The following CTNNA2 variants were observed in gnomAD, a reference collection of about 807,000 sequenced individuals.
CTNNA2 encodes the protein catenin alpha-2.
Under a neutral mutation model 101.0 loss-of-function variants are expected in CTNNA2, and 42 were observed. The observed-to-expected ratio is 0.42, with a 90% CI of 0.32 to 0.54. The LOEUF is 0.54. Ranked by LOEUF, CTNNA2 falls within the 20% of genes least tolerant of loss-of-function variation. The pLI is 0.14. For synonymous variants in CTNNA2, 450 were observed against 456.4 expected, an observed-to-expected ratio of 0.99 and a Z score of 0.18; for missense variants, 871 against 1,223.1, an observed-to-expected ratio of 0.71 and a Z score of 4.29.
intron 4 of CTNNA2, among the ~76,000 whole-genome samples, chr2:79,489,882 G>A (rs1219441831): frequency 2.6e-5 from 4 of 152,152 alleles, no homozygotes; most frequent in Non-Finnish European, 5.9e-5. Context: ...AGGGCAAAAG[G>A]TAAGACCTCC....
chr2:79,470,220 C>G (rs1309365524), intron 4 of CTNNA2, among the ~76,000 whole-genome samples: 1 of 152,128 alleles, frequency 6.6e-6, no homozygotes, highest in South Asian at 2.1e-4. Flanking sequence ...TGATACAACA[C>G]CAAAAGCTTT....
intron 2 of CTNNA2, among the ~76,000 whole-genome samples, chr2:79,655,646 T>C (rs1254671314): frequency 2.6e-5 from 4 of 152,036 alleles, no homozygotes; most frequent in Non-Finnish European, 5.9e-5. Flanking sequence ...CTGGCGAACA[T>C]GGCAAAACCC....
rs555630368 is a variant in CTNNA2 at position 79,259,299 on chromosome 2, C to T, written c.-405-53410C>T. ...ACTTTACTTCTCCACCCCCTCCTAA[C>T]ACACACCTACTTCCTCAACTTCCAA... is the stretch of plus-strand genomic sequence containing the variant. On this transcript the variant is annotated intron_variant, in intron 2 of 21. Transcript: ENST00000466387. 5.5e-4 allele frequency among the ~76,000 whole-genome samples: 84 copies of T among 152,312 alleles called. 1 individual carries two copies. Among genetic ancestry groups the T allele is most frequent in the African/African-American group, 1.9e-3 (81 of 41,558 alleles).
chr2:79,439,230 T>TAA (rs1558666818), intron 4 of CTNNA2, among the ~76,000 whole-genome samples: 1 of 152,218 alleles, frequency 6.6e-6, no homozygotes, highest in Non-Finnish European at 1.5e-5. Context: ...CAGTATTTTT[T>TAA]AGGCATAAAA....
chr2:80,512,025 C>T (rs1036125419), intron 9 of CTNNA2, among the ~76,000 whole-genome samples: 4 of 151,738 alleles, frequency 2.6e-5, no homozygotes, highest in African/African-American at 4.8e-5. Flanking sequence ...TGGTGGGCAC[C>T]TGTAATCCCA....
chr2:80,317,365 G>A (rs1245231972), intron 7 of CTNNA2, among the ~76,000 whole-genome samples: 2 of 152,084 alleles, frequency 1.3e-5, no homozygotes, highest in Admixed American at 1.3e-4. Context: ...TCAAAATTCT[G>A]TGAGATCCTT....
intron 3 of CTNNA2, among the ~76,000 whole-genome samples, chr2:79,770,561 T>C (rs1673500623): frequency 6.6e-6 from 1 of 152,224 alleles, no homozygotes; most frequent in African/African-American, 2.4e-5. Flanking sequence ...TAAGCTATGT[T>C]TGATGTGCAC....
intron 17 of CTNNA2, among the ~76,000 whole-genome samples, chr2:80,617,809 T>C (rs1182088206): frequency 6.6e-6 from 1 of 151,838 alleles, no homozygotes; most frequent in African/African-American, 2.4e-5. Flanking sequence ...AGAATTATAT[T>C]GGCTTAAAAC....
intron 7 of CTNNA2, among the ~76,000 whole-genome samples, chr2:80,100,634 C>T (rs956585890): frequency 1.3e-5 from 2 of 152,188 alleles, no homozygotes; most frequent in African/African-American, 4.8e-5. Flanking sequence ...CTCTCTCCAA[C>T]AGGTAAGAGG....
chr2:80,589,854 G>A (rs115303236), intron 15 of CTNNA2, among the ~76,000 whole-genome samples: 2,483 of 144,500 alleles, frequency 0.017, 59 homozygotes, highest in African/African-American at 0.058. Context: ...GGAAAAATAT[G>A]TACCTCTGTG....
At chr2:80,539,022 A>T (rs1183611940) in intron 9 of CTNNA2, among the ~76,000 whole-genome samples, 1 of 151,966 alleles carries the variant, frequency 6.6e-6, no homozygotes, top group East Asian at 1.9e-4. Flanking sequence ...TGAGGGATGC[A>T]TATGTTTGTT....
chr2:79,490,794 A>G (rs1352065865), intron 4 of CTNNA2, among the ~76,000 whole-genome samples: 1 of 152,230 alleles, frequency 6.6e-6, no homozygotes, highest in Non-Finnish European at 1.5e-5. Flanking sequence ...GAGAAATGTT[A>G]TGATCCCTTA....
At chr2:79,376,539 G>A (rs1677977981) in intron 4 of CTNNA2, among the ~76,000 whole-genome samples, 1 of 151,714 alleles carries the variant, frequency 6.6e-6, no homozygotes, top group African/African-American at 2.4e-5. Context: ...CAACGTGCAG[G>A]TTTGTTACGT....
At chr2:79,372,886 A>G (rs1677903823) in intron 3 of CTNNA2, among the ~76,000 whole-genome samples, 1 of 152,062 alleles carries the variant, frequency 6.6e-6, no homozygotes, top group African/African-American at 2.4e-5. Flanking sequence ...AGTTGCTAAA[A>G]CTTTTTAAAC....
In CTNNA2 at chr2:79,192,853, A is replaced by G. The variant is rs140895382; in HGVS notation, c.-523-5106A>G. On this transcript the variant is annotated intron_variant, in intron 1 of 21. Transcript: ENST00000466387. ...TTTTCAAAAGAGTATTTAAAATATT[A>G]TATATATAAAAAGTGAAGAATGATA... Among the ~76,000 whole-genome samples the G allele has an allele frequency of 4.5e-3, 679 of 152,108 alleles. 4 individuals are homozygous for G. The highest frequency in any genetic ancestry group is 0.016 in the African/African-American group (657 of 41,558).
At chr2:79,268,721 G>T (rs2104295855) in intron 2 of CTNNA2, among the ~76,000 whole-genome samples, 1 of 152,232 alleles carries the variant, frequency 6.6e-6, no homozygotes, top group East Asian at 1.9e-4. Flanking sequence ...GCCTACTACA[G>T]AACTGATTGC....
chr2:80,171,865 G>T (rs992031898), intron 7 of CTNNA2, among the ~76,000 whole-genome samples: 2 of 152,170 alleles, frequency 1.3e-5, no homozygotes, highest in Non-Finnish European at 2.9e-5. Flanking sequence ...AGAAAAGTAA[G>T]GCTAGCAGGA....
intron 8 of CTNNA2, among the ~76,000 whole-genome samples, chr2:80,408,838 C>T (rs1482144796): frequency 1.3e-5 from 2 of 152,164 alleles, no homozygotes; most frequent in Non-Finnish European, 2.9e-5. Context: ...AATGGCACTA[C>T]TATTGGAACC....
intron 7 of CTNNA2, among the ~76,000 whole-genome samples, chr2:80,213,102 C>A (rs1448892344): frequency 6.6e-6 from 1 of 152,028 alleles, no homozygotes; most frequent in African/African-American, 2.4e-5. Context: ...ATTCTTCTCT[C>A]TTTTCTTCTT....
Sources: gnomAD v4.1 joint callset for allele counts (sites outside exome capture counted in the v4.1 genomes callset) on GRCh38, gnomAD v4.1.1 for gene constraint, MANE v1.5 for transcripts, NCBI Gene and HGNC (gene_info 2026-07-23, HGNC 2026-07-21) for gene names.